The following TFB1M variants were observed in gnomAD, a reference collection of about 807,000 sequenced individuals.
The protein encoded by TFB1M is dimethyladenosine transferase 1, mitochondrial.
In TFB1M, 27 loss-of-function variants were observed where a neutral mutation model predicts 31.1. The observed-to-expected ratio is 0.87, with a 90% CI of 0.64 to 1.20. The LOEUF is 1.20. Among genes scored for constraint, TFB1M ranks in the 50% most tolerant of loss-of-function variants. TFB1M has a pLI of 0.00. For missense variants in TFB1M, 394 were observed against 418.7 expected, an observed-to-expected ratio of 0.94 and a Z score of 0.51; for synonymous variants, 166 against 151.8, an observed-to-expected ratio of 1.09 and a Z score of -0.69.
At position 155,256,983 on chromosome 6, in the gene TFB1M, C is replaced by T. The variant is rs753437901; in HGVS notation, c.*853G>A. ...CTTTGCTCAAGGCGCAGATCCGTCA[C>T]CAGTCCCTTGACAGTCAGTCTGAAA... On this transcript the variant is annotated 3_prime_UTR_variant, in exon 7 of 7. Transcript: ENST00000367166. 1.9e-6 allele frequency: 3 copies of T among 1,614,164 alleles called. No individual in the cohort carries two copies. The highest frequency in any genetic ancestry group is 2.2e-5 in the East Asian group (1 of 44,884).
the TFB1M span, among the ~76,000 whole-genome samples, chr6:155,242,509 G>A: frequency 2.6e-5 from 4 of 152,174 alleles, no homozygotes; most frequent in South Asian, 4.1e-4. Context: ...GAAAGCATCC[G>A]TGTCACAGGC....
At chr6:155,282,731 A>ATT (rs746701732) in intron 5 of TFB1M, among the ~76,000 whole-genome samples, 2 of 146,048 alleles carry the variant, frequency 1.4e-5, no homozygotes, top group African/African-American at 2.5e-5. Flanking sequence ...GAGAAAATGA[A>ATT]TTTTTTTTTT....
rs1326152476 is a variant in TFB1M at position 155,260,364 on chromosome 6, G to A, written c.703C>T (p.Gln235Ter). The A allele has an allele frequency of 4.3e-6, 7 of 1,614,076 alleles. No homozygotes were observed. The highest frequency in any genetic ancestry group is 5.9e-6 in the Non-Finnish European group (7 of 1,180,038). Residue 235 changes from glutamine (Q) to a stop codon, truncating the protein, a stop_gained, in exon 6 of 7, where the codon CAG becomes TAG. Transcript: ENST00000367166. LOFTEE classifies it high-confidence loss of function. ...VGVVHFTPLI[Q>*]PKIEQPFKLV... ...TTGAATGGCTGCTCTATCTTGGGCT[G>A]TATCAAGGGAGTGAAGTGCACCACG...
the TFB1M span, chr6:155,249,813 T>C: frequency 6.5e-7 from 1 of 1,545,690 alleles, no homozygotes; most frequent in Middle Eastern, 1.7e-4. Context: ...CTAAAACAAA[T>C]AACAGTTATG....
the TFB1M span, among the ~76,000 whole-genome samples, chr6:155,237,791 A>G: frequency 1.3e-5 from 2 of 152,182 alleles, no homozygotes; most frequent in African/African-American, 4.8e-5. Context: ...CCCTGGGCGG[A>G]ACACAGCATG....
chr6:155,262,252 G>A (rs116251623), intron 5 of TFB1M, among the ~76,000 whole-genome samples: 2,887 of 152,206 alleles, frequency 0.019, 70 homozygotes, highest in African/African-American at 0.049. Flanking sequence ...TCTATGAATG[G>A]CAGAGTGCAG....
the TFB1M span, among the ~76,000 whole-genome samples, chr6:155,240,284 A>G: frequency 1.3e-5 from 2 of 152,240 alleles, no homozygotes; most frequent in African/African-American, 2.4e-5. Flanking sequence ...GATACATCTA[A>G]CAGCTGATGT....
At chr6:155,252,067 G>C, downstream of TFB1M, 1 of 1,354,088 alleles carries the variant, frequency 7.4e-7, no homozygotes, top group Non-Finnish European at 1.0e-6. Context: ...TATTAACGTT[G>C]AACTGAAAAG....
At chr6:155,241,461 C>T in the TFB1M span, among the ~76,000 whole-genome samples, 1 of 152,122 alleles carries the variant, frequency 6.6e-6, no homozygotes, top group Non-Finnish European at 1.5e-5. Flanking sequence ...TGGTGGATGG[C>T]CCCCTTCAAC....
At chr6:155,273,630 C>T (rs1395621097) in intron 5 of TFB1M, among the ~76,000 whole-genome samples, 1 of 151,976 alleles carries the variant, frequency 6.6e-6, no homozygotes, top group Non-Finnish European at 1.5e-5. Flanking sequence ...CAGTGTTTTC[C>T]CTGGTTCCCA....
At chr6:155,249,888 C>T in the TFB1M span, 57 of 1,613,972 alleles carry the variant, frequency 3.5e-5, no homozygotes, top group Non-Finnish European at 4.7e-5. Context: ...CGAGCCACAT[C>T]AATGAGATGC....
At chr6:155,294,329 T>A (rs1395361831) in intron 4 of TFB1M, among the ~76,000 whole-genome samples, 3 of 152,090 alleles carry the variant, frequency 2.0e-5, no homozygotes, top group Non-Finnish European at 4.4e-5. Context: ...TAGACATAAA[T>A]TTAAAATTAA....
At chr6:155,313,519 G>C (rs1778109647) in intron 1 of TFB1M, among the ~76,000 whole-genome samples, 1 of 152,050 alleles carries the variant, frequency 6.6e-6, no homozygotes, top group Non-Finnish European at 1.5e-5. Context: ...ATATATTTTT[G>C]CAACCTCATC....
At chr6:155,244,683 C>T in the TFB1M span, 1 of 1,613,958 alleles carries the variant, frequency 6.2e-7, no homozygotes, top group East Asian at 2.2e-5. Flanking sequence ...GGAAGTTTGC[C>T]AGAGATGCTT....
chr6:155,272,178 T>A lies in TFB1M; in HGVS notation c.667-11778A>T, dbSNP rs974359084. 2.6e-5 allele frequency among the ~76,000 whole-genome samples: 4 copies of A among 152,188 alleles called. No individual in the cohort carries two copies. In the East Asian group the frequency reaches 7.7e-4, roughly 29 times the overall value. On this transcript the variant is annotated intron_variant, in intron 5 of 6. Transcript: ENST00000367166. ...CAACTGACCGAAGGAGTTAAGACAG[T>A]GAAGGCTACTGACAAAAGGTATGGT...
At chr6:155,261,081 T>G (rs4870366) in intron 5 of TFB1M, 101,131 of 154,210 alleles carry the variant, frequency 0.66, 33,957 homozygotes, top group East Asian at 0.98. Context: ...AGGCATATCT[T>G]ATAAGAGATT....
At chr6:155,287,551 A>AGTGTGTGTGTGTGTGTGTGTGTGTGTGT (rs150032717) in intron 4 of TFB1M, among the ~76,000 whole-genome samples, 30 of 147,630 alleles carry the variant, frequency 2.0e-4, no homozygotes, top group African/African-American at 7.5e-4. Context: ...ATTTACTCTG[A>AGTGTGTGTGTGTGTGTGTGTGTGTGTGT]GTGTGTGTGT....
At chr6:155,266,972 T>C (rs1431260941) in intron 5 of TFB1M, among the ~76,000 whole-genome samples, 1 of 69,644 alleles carries the variant, frequency 1.4e-5, no homozygotes, top group African/African-American at 5.1e-5. Context: ...TTTGCTGCCT[T>C]TTTTTTTTTT....
chr6:155,298,631 A>G, intron 2 of TFB1M, 46 bp from the exon 3 acceptor site: 1 of 1,315,958 alleles, frequency 7.6e-7, no homozygotes, highest in East Asian at 2.3e-5. Flanking sequence ...TACTTATGCG[A>G]GTAACAAAAC....
Sources: gnomAD v4.1 joint callset for allele counts (sites outside exome capture counted in the v4.1 genomes callset) on GRCh38, gnomAD v4.1.1 for gene constraint, MANE v1.5 for transcripts, NCBI Gene and HGNC (gene_info 2026-07-23, HGNC 2026-07-21) for gene names.